Variants in USP39 observed in about 807,000 individuals in gnomAD.
USP39 encodes the protein ubiquitin specific peptidase 39.
A neutral mutation model predicts 66.4 loss-of-function variants in USP39; 38 were observed. The observed-to-expected ratio is 0.57, with a 90% CI of 0.44 to 0.75. USP39 has a LOEUF of 0.75. USP39 is among the 30% of genes least tolerant of loss of function. The pLI, the probability that USP39 is intolerant of heterozygous loss-of-function variation, is 0.00. For synonymous variants in USP39, 303 were observed against 274.6 expected, an observed-to-expected ratio of 1.10 and a Z score of -1.02; for missense variants, 608 against 714.4, an observed-to-expected ratio of 0.85 and a Z score of 1.70.
At chr2:85,647,857 G>T (rs1676768652) in intron 11 of USP39, 73 bp from the exon 12 acceptor site, 7 of 1,421,498 alleles carry the variant, frequency 4.9e-6, no homozygotes, top group African/African-American at 2.8e-5. Flanking sequence ...TCTAGTCTTG[G>T]CTATGATCCT....
chr2:85,632,856 G>T (rs1675465903), intron 6 of USP39, among the ~76,000 whole-genome samples: 1 of 152,154 alleles, frequency 6.6e-6, no homozygotes, highest in African/African-American at 2.4e-5. Context: ...GTAGATCAGA[G>T]ATCAGAGTGG....
intron 3 of USP39, among the ~76,000 whole-genome samples, chr2:85,622,671 A>AT (rs1223882276): frequency 7.7e-6 from 1 of 129,084 alleles, no homozygotes; most frequent in Admixed American, 8.0e-5. Flanking sequence ...TTTTTATTCC[A>AT]TTTTTTTCTG....
At chr2:85,609,127 C>T (rs1673340982), upstream of USP39, 1 of 1,596,772 alleles carries the variant, frequency 6.3e-7, no homozygotes, top group Non-Finnish European at 8.5e-7. Context: ...GGTGACCTGC[C>T]CTGTCCCTAA....
chr2:85,617,718 C>T (rs560180553), intron 1 of USP39, among the ~76,000 whole-genome samples: 3 of 152,198 alleles, frequency 2.0e-5, no homozygotes, highest in African/African-American at 7.2e-5. Flanking sequence ...TCACTGTGTG[C>T]ATGGGTTCTC....
chr2:85,621,547 AT>A lies in USP39; in HGVS notation c.402del (p.Tyr134Ter). On this transcript the variant is annotated frameshift_variant, in exon 3 of 13. Transcript: ENST00000323701. LOFTEE classifies it high-confidence loss of function. ...CSISLSHINA[Y>X]ACLVCGKYFQ... ...ATCTCCCTCTCACACATCAATGCTT[AT>A]GCCTGTCTGGTGTGTGGCAAGTACT... 1 of 1,613,336 alleles carries A rather than the reference AT, an allele frequency of 6.2e-7. No homozygotes were observed.
intron 6 of USP39, 133 bp from the exon 7 acceptor site, chr2:85,635,920 A>G (rs1675729778): frequency 2.5e-6 from 2 of 789,048 alleles, no homozygotes; most frequent in Non-Finnish European, 4.5e-6. Flanking sequence ...ATAGAGGAGG[A>G]TGCACGGCAG....
At chr2:85,627,036 C>T (rs1025737958) in intron 5 of USP39, among the ~76,000 whole-genome samples, 4 of 151,650 alleles carry the variant, frequency 2.6e-5, no homozygotes, top group Non-Finnish European at 4.4e-5. Context: ...CATGAGCCAC[C>T]GTGCCCATCC....
At chr2:85,640,925 A>G (rs1676188805) in intron 9 of USP39, 51 bp from the exon 10 acceptor site, 1 of 1,542,658 alleles carries the variant, frequency 6.5e-7, no homozygotes, top group Non-Finnish European at 8.8e-7. Flanking sequence ...CCCCTGCTCT[A>G]ATACTACTGA....
chr2:85,619,356 T>C, intron 2 of USP39, 67 bp downstream of exon 2: 1 of 1,533,904 alleles, frequency 6.5e-7, no homozygotes, highest in South Asian at 1.2e-5. Flanking sequence ...GTTTTTGGAC[T>C]GTACAGTGAA....
At chr2:85,628,200 C>T (rs1395165958) in intron 5 of USP39, among the ~76,000 whole-genome samples, 1 of 152,046 alleles carries the variant, frequency 6.6e-6, no homozygotes, top group East Asian at 1.9e-4. Flanking sequence ...GGCTGGAATG[C>T]AGTGTCACAA....
At chr2:85,608,625 T>G (rs944348571), upstream of USP39, 15 of 215,488 alleles carry the variant, frequency 7.0e-5, no homozygotes, top group East Asian at 1.4e-3. Context: ...GAAAGCACCA[T>G]GTTGCACGAG....
At chr2:85,604,489 G>A (rs1480076531) in intron 1 of USP39, among the ~76,000 whole-genome samples, 3 of 152,190 alleles carry the variant, frequency 2.0e-5, no homozygotes, top group African/African-American at 7.2e-5. Flanking sequence ...TGGGATTACA[G>A]ATGTGAACCA....
rs1307612184 is a variant in USP39 at position 85,625,648 on chromosome 2, T to C, written c.680T>C (p.Leu227Pro). The C allele has an allele frequency of 5.0e-6, 8 of 1,613,814 alleles. No homozygotes were observed. Among genetic ancestry groups the C allele is most frequent in the Non-Finnish European group, 6.8e-6 (8 of 1,179,906 alleles). Residue 227 changes from leucine (L) to proline (P), a missense_variant, in exon 5 of 13, where the codon CTG (leucine) becomes CCG (proline). Leu to Pro is a moderately conservative substitution (Grantham distance 98). Coordinates refer to ENST00000323701, the MANE Select transcript of USP39 (RefSeq NM_006590.4). ...GTTYLPGIVGLNNIKANDYAN... is the reference protein window; with the variant it reads ...GTTYLPGIVGPNNIKANDYAN... ...ACTTACCTGCCGGGTATTGTGGGAC[T>C]GAATAACATAAAGGCCAATGATTAT...
chr2:85,648,255 C>T (rs898168891), intron 12 of USP39, among the ~76,000 whole-genome samples: 1 of 152,074 alleles, frequency 6.6e-6, no homozygotes, highest in Admixed American at 6.6e-5. Context: ...AAGAAAGTTG[C>T]GATTATGGCC....
intron 5 of USP39, among the ~76,000 whole-genome samples, chr2:85,627,641 A>T (rs1172028111): frequency 6.6e-6 from 1 of 151,876 alleles, no homozygotes; most frequent in Non-Finnish European, 1.5e-5. Flanking sequence ...AAAAAAAAAA[A>T]AAAATTAGCT....
chr2:85,619,684 A>ATTT (rs1674299632), intron 2 of USP39, among the ~76,000 whole-genome samples: 6 of 151,792 alleles, frequency 4.0e-5, no homozygotes, highest in Admixed American at 1.3e-4. Context: ...CCCAGGTGGC[A>ATTT]TGTAGAATGT....
intron 1 of USP39, among the ~76,000 whole-genome samples, chr2:85,605,057 A>C (rs2104126639): frequency 6.6e-6 from 1 of 152,330 alleles, no homozygotes; most frequent in South Asian, 2.1e-4. Flanking sequence ...AGATGTCTTT[A>C]AAAAGACCTT....
upstream of USP39, chr2:85,612,151 C>A (rs1673597369): frequency 1.2e-5 from 11 of 881,354 alleles, no homozygotes; most frequent in Non-Finnish European, 1.9e-5. Context: ...GTTTTCGGGT[C>A]TGGTCGGGTC....
At chr2:85,625,369 G>C (rs376958666) in intron 4 of USP39, among the ~76,000 whole-genome samples, 170 bp from the exon 5 acceptor site, 2 of 152,316 alleles carry the variant, frequency 1.3e-5, no homozygotes, top group African/African-American at 4.8e-5. Context: ...CCATGGGAGA[G>C]GATCTACTCC....
Sources: allele counts gnomAD v4.1 joint callset (sites outside exome capture counted in the v4.1 genomes callset), GRCh38; gene constraint gnomAD v4.1.1; transcripts MANE v1.5; gene names NCBI Gene and HGNC (gene_info 2026-07-23, HGNC 2026-07-21).